The following OLAH variants were observed in gnomAD, a reference collection of about 807,000 sequenced individuals.
OLAH encodes S-acyl fatty acid synthase thioesterase, medium chain.
In OLAH, 33 loss-of-function variants were observed where a neutral mutation model predicts 27.8. The observed-to-expected ratio is 1.19, with a 90% CI of 0.90 to 1.59. The LOEUF is 1.59. Among genes scored for constraint, OLAH ranks in the 40% most tolerant of loss-of-function variants. OLAH has a pLI of 0.00. For missense variants in OLAH, 359 were observed against 310.8 expected (o/e 1.16, Z -1.17); for synonymous variants, 120 against 102.9 (o/e 1.17, Z -1.01).
intron 3 of OLAH, among the ~76,000 whole-genome samples, chr10:15,051,962 G>A (rs1844152052): frequency 6.6e-6 from 1 of 152,140 alleles, no homozygotes; most frequent in South Asian, 2.1e-4. Context: ...GCATGGCTGT[G>A]TCCCAGTAAA....
At chr10:15,063,880 C>T (rs1313029481) in intron 4 of OLAH, among the ~76,000 whole-genome samples, 4 of 152,194 alleles carry the variant, frequency 2.6e-5, no homozygotes, top group African/African-American at 7.2e-5. Flanking sequence ...TAATGTCTGA[C>T]ATAATAGAAG....
At chr10:15,040,290 A>G (rs896934889), upstream of OLAH, among the ~76,000 whole-genome samples, 58 of 152,230 alleles carry the variant, frequency 3.8e-4, no homozygotes, top group African/African-American at 1.3e-3. Flanking sequence ...GGGTCAACCC[A>G]TCTGTTCACC....
Position 15,047,135 on chromosome 10 carries a change from A to T in OLAH, c.-154A>T. On this transcript the variant is annotated 5_prime_UTR_variant, in exon 2 of 8. Coordinates refer to ENST00000378228, the MANE Select transcript of OLAH (RefSeq NM_001039702.3). ...TCTTTATTTTTAACAGGGATTGGAG[A>T]GGTCAATAAGAGTCAGCGCCTTTAA... is the stretch of plus-strand genomic sequence containing the variant. 1 of 557,852 alleles carries T rather than the reference A, an allele frequency of 1.8e-6. No individual in the cohort carries two copies. The highest frequency in any genetic ancestry group is 2.9e-5 in the South Asian group (1 of 33,920). The allele number at this position is 557,852 out of a possible 1,614,324, so 34.6% of individuals were successfully genotyped here.
Position 15,049,760 on chromosome 10 carries a change from T to C in OLAH, c.158T>C (p.Leu53Pro). 1 of 1,603,316 alleles carries C rather than the reference T, an allele frequency of 6.2e-7. No homozygotes were observed. Among genetic ancestry groups the C allele is most frequent in the Non-Finnish European group, 8.5e-7 (1 of 1,177,432 alleles). ...AKWGQDTHDL[L>P]EVHSLRLPGR... ...TGGGGCCAAGATACTCATGATTTGC[T>C]GGAAGGTATGTTAATTTTTAACATC... is the stretch of plus-strand genomic sequence containing the variant. The change falls in exon 3 of 8, where the codon CTG becomes CCG. Residue 53 changes from leucine to proline, a missense_variant. Coordinates refer to ENST00000378228, the MANE Select transcript of OLAH (RefSeq NM_001039702.3).
At chr10:15,048,608 T>G (rs565934506) in intron 2 of OLAH, among the ~76,000 whole-genome samples, 104 of 152,342 alleles carry the variant, frequency 6.8e-4, no homozygotes, top group African/African-American at 2.3e-3. Context: ...ACTTGAAAAG[T>G]GGCTCTGGAG....
intron 2 of OLAH, among the ~76,000 whole-genome samples, chr10:15,047,813 C>G (rs550050205): frequency 2.0e-5 from 3 of 152,032 alleles, no homozygotes; most frequent in Non-Finnish European, 2.9e-5. Context: ...TCCACCCCCC[C>G]AAAAAAAGTT....
chr10:15,055,076 T>A (rs534854962), intron 3 of OLAH, among the ~76,000 whole-genome samples: 6 of 152,258 alleles, frequency 3.9e-5, no homozygotes, highest in Admixed American at 3.9e-4. Context: ...GTGATTCTCA[T>A]GTCTCAGCCT....
At chr10:15,059,562 T>G (rs1844321827) in intron 3 of OLAH, among the ~76,000 whole-genome samples, 1 of 151,930 alleles carries the variant, frequency 6.6e-6, no homozygotes, top group Non-Finnish European at 1.5e-5. Flanking sequence ...TCTTAGCACT[T>G]TGGGAGGCCA....
At chr10:15,064,569 A>G in intron 5 of OLAH, 67 bp downstream of exon 5, 1 of 870,512 alleles carries the variant, frequency 1.1e-6, no homozygotes. Flanking sequence ...AAAATAAGCC[A>G]TTATTTCTCT....
chr10:15,068,230 T>C (rs982467542), intron 6 of OLAH, among the ~76,000 whole-genome samples: 3 of 152,220 alleles, frequency 2.0e-5, no homozygotes, highest in Admixed American at 1.3e-4. Flanking sequence ...TCATGAATGT[T>C]AGCCACCTTT....
At chr10:15,038,247 C>G (rs1401204930) in intron 1 of OLAH, among the ~76,000 whole-genome samples, 4 of 152,164 alleles carry the variant, frequency 2.6e-5, no homozygotes, top group Non-Finnish European at 5.9e-5. Flanking sequence ...ATTTTACAGG[C>G]TGATAGGCGG....
chr10:15,061,685 A>T lies in OLAH; in HGVS notation c.164-39A>T, dbSNP rs758437137. The T allele has an allele frequency of 6.7e-6, 10 of 1,492,194 alleles. No homozygotes were observed. In the East Asian group the frequency reaches 2.1e-4, roughly 32 times the overall value. The allele number at this position is 1,492,194 out of a possible 1,614,324, so 92.4% of individuals were successfully genotyped here. The stretch of plus-strand genomic sequence containing the variant: ...TTTATAACATCACAATATCTCATTC[A>T]CTGTCTGTGCGTGTTCACTTGTGTT... On this transcript the variant is annotated intron_variant, in intron 3 of 7. Coordinates refer to ENST00000378228, the MANE Select transcript of OLAH (RefSeq NM_001039702.3).
At chr10:15,040,600 C>T (rs1483139943), upstream of OLAH, among the ~76,000 whole-genome samples, 1 of 152,114 alleles carries the variant, frequency 6.6e-6, no homozygotes, top group Non-Finnish European at 1.5e-5. Flanking sequence ...CCCCACTTCC[C>T]TTTCCCCCGT....
chr10:15,049,594 T>C (rs1844091640), intron 2 of OLAH, 41 bp from the exon 3 acceptor site: 1 of 1,312,384 alleles, frequency 7.6e-7, no homozygotes, highest in African/African-American at 1.5e-5. Flanking sequence ...GGAACTTAAT[T>C]GATATACATA....
Position 15,049,713 on chromosome 10 carries a change from T to C in OLAH, c.111T>C (p.Gly37=), listed in dbSNP as rs1422809106. The C allele has an allele frequency of 4.3e-6, 7 of 1,610,694 alleles. No individual in the cohort carries two copies. Among genetic ancestry groups the C allele is most frequent in the Middle Eastern group, 1.7e-4 (1 of 6,056 alleles). ...TGATTTGCTTTCCCTGGATGGGAGG[T>C]GGCTCCACTCATTTTGCCAAATGGG... ...FKLICFPWMG[G]GSTHFAKWGQ... Residue 37 remains glycine (G), a synonymous_variant, in exon 3 of 8, where the codon GGT becomes GGC. Transcript: ENST00000378228.
At chr10:15,069,957 G>A (rs188481251) in intron 6 of OLAH, among the ~76,000 whole-genome samples, 33 of 152,116 alleles carry the variant, frequency 2.2e-4, no homozygotes, top group South Asian at 6.2e-4. Context: ...TTAAAATTTC[G>A]GCTGATTTGA....
At chr10:15,068,635 T>A (rs914727749) in intron 6 of OLAH, among the ~76,000 whole-genome samples, 1 of 152,122 alleles carries the variant, frequency 6.6e-6, no homozygotes, top group South Asian at 2.1e-4. Context: ...CCTCAGGTGA[T>A]CCACCCCACC....
At chr10:15,050,203 AG>A (rs1245298200) in intron 3 of OLAH, among the ~76,000 whole-genome samples, 1 of 152,232 alleles carries the variant, frequency 6.6e-6, no homozygotes, top group Non-Finnish European at 1.5e-5. Flanking sequence ...GGATTGCTTG[AG>A]GCCAGGAGTT....
rs2131385849 is a variant in OLAH, at chr10:15,073,097, T to C, written c.666T>C (p.Asp222=). ...CTTGTTTATTTTCAGCCTGGAAAGA[T>C]GTAACCAGTGGAAATGCTAAAATTT... ...DIAKDMEAWK[D]VTSGNAKIYQ... is the part of the protein sequence containing the mutation. Residue 222 remains aspartate, a synonymous_variant, in exon 8 of 8, where the codon GAT becomes GAC. Coordinates refer to ENST00000378228, the MANE Select transcript of OLAH (RefSeq NM_001039702.3). 2 of 1,613,128 alleles carry C rather than the reference T, an allele frequency of 1.2e-6. No homozygotes were observed. Among genetic ancestry groups the C allele is most frequent in the Non-Finnish European group, 1.7e-6 (2 of 1,179,690 alleles).
Sources: allele counts gnomAD v4.1 joint callset (sites outside exome capture counted in the v4.1 genomes callset), GRCh38; gene constraint gnomAD v4.1.1; transcripts MANE v1.5; gene names NCBI Gene and HGNC (gene_info 2026-07-23, HGNC 2026-07-21).